The following CCDC91 variants were observed in gnomAD, a reference collection of about 807,000 sequenced individuals.
CCDC91 encodes the protein coiled-coil domain-containing protein 91.
Under a neutral mutation model 63.2 loss-of-function variants are expected in CCDC91, and 48 were observed. The observed-to-expected ratio is 0.76, with a 90% CI of 0.60 to 0.97. The LOEUF is 0.97. Ranked by LOEUF, CCDC91 falls within the 50% of genes least tolerant of loss-of-function variation. The pLI, the probability that CCDC91 is intolerant of heterozygous loss-of-function variation, is 0.00. For missense variants in CCDC91, 500 were observed against 494.6 expected (o/e 1.01, Z -0.10); for synonymous variants, 167 against 165.8 (o/e 1.01, Z -0.06).
At chr12:28,456,156 T>C (rs770306877) in intron 11 of CCDC91, among the ~76,000 whole-genome samples, 5 of 152,162 alleles carry the variant, frequency 3.3e-5, no homozygotes, top group Admixed American at 6.6e-5. Context: ...GTATTGTCCA[T>C]TCTGTAACAT....
rs151227373 is a variant in CCDC91, at chr12:28,234,512, A to G, written c.-14-22690A>G. On this transcript the variant is annotated intron_variant, in intron 1 of 12. Coordinates refer to ENST00000536442, the MANE Select transcript of CCDC91 (RefSeq NM_018318.5). ...ATTTTTAAAGATATTTAGTGAAATT[A>G]TACATTAATAGACATAACCCAGATA... is the stretch of plus-strand genomic sequence containing the variant. Among the ~76,000 whole-genome samples the G allele has an allele frequency of 5.5e-3, 845 of 152,340 alleles. 6 individuals carry two copies. The highest frequency in any genetic ancestry group is 0.011 in the South Asian group (53 of 4,828).
intron 6 of CCDC91, among the ~76,000 whole-genome samples, chr12:28,350,793 A>G (rs1401581304): frequency 5.3e-5 from 8 of 152,082 alleles, no homozygotes; most frequent in African/African-American, 1.7e-4. Flanking sequence ...ACTGACTCCA[A>G]TTTCTGCTTC....
chr12:28,533,518 A>G (rs1002119719), intron 12 of CCDC91, among the ~76,000 whole-genome samples: 5 of 152,096 alleles, frequency 3.3e-5, no homozygotes, highest in African/African-American at 4.8e-5. Flanking sequence ...CCAATAAACC[A>G]CACTTAAATT....
intron 6 of CCDC91, among the ~76,000 whole-genome samples, chr12:28,343,133 T>C (rs1381412191): frequency 2.0e-5 from 3 of 151,672 alleles, no homozygotes; most frequent in South Asian, 4.2e-4. Flanking sequence ...AAAAGAAATA[T>C]GTTGAGAGAG....
intron 7 of CCDC91, among the ~76,000 whole-genome samples, chr12:28,378,017 CTTATAT>C (rs1312624064): frequency 6.6e-6 from 1 of 151,926 alleles, no homozygotes; most frequent in African/African-American, 2.4e-5. Context: ...TTCTCTTCCT[CTTATAT>C]TTAAATATTA....
chr12:28,534,173 T>G (rs2141670106), intron 12 of CCDC91, among the ~76,000 whole-genome samples: 1 of 152,298 alleles, frequency 6.6e-6, no homozygotes, highest in Non-Finnish European at 1.5e-5. Context: ...ATTTCAGACA[T>G]AGAACTTTTT....
chr12:28,321,488 T>C (rs116500055), intron 6 of CCDC91, among the ~76,000 whole-genome samples: 2,336 of 151,982 alleles, frequency 0.015, 60 homozygotes, highest in African/African-American at 0.053. Flanking sequence ...AATTCGTACA[T>C]TGATGCTCTC....
intron 3 of CCDC91, among the ~76,000 whole-genome samples, chr12:28,265,657 A>G (rs1391334570): frequency 2.0e-5 from 3 of 152,032 alleles, no homozygotes; most frequent in Admixed American, 6.6e-5. Context: ...TCTGTGTTAC[A>G]TATCTATGAG....
chr12:28,408,258 G>A (rs1565926482), intron 8 of CCDC91, among the ~76,000 whole-genome samples: 1 of 152,078 alleles, frequency 6.6e-6, no homozygotes, highest in African/African-American at 2.4e-5. Context: ...TCCTGTGTTA[G>A]TTTGCTGAGA....
intron 1 of CCDC91, among the ~76,000 whole-genome samples, chr12:28,238,407 C>G (rs1037109518): frequency 5.3e-5 from 8 of 152,018 alleles, no homozygotes; most frequent in African/African-American, 1.9e-4. Context: ...GAGAAAAGAA[C>G]CAGCAATAAC....
At chr12:28,338,210 T>C (rs1942136192) in intron 6 of CCDC91, among the ~76,000 whole-genome samples, 2 of 151,716 alleles carry the variant, frequency 1.3e-5, no homozygotes, top group African/African-American at 2.4e-5. Context: ...GGCAAGATTA[T>C]ATTTGAGTAG....
chr12:28,535,619 T>C (rs12184491), intron 12 of CCDC91, among the ~76,000 whole-genome samples: 28,745 of 152,214 alleles, frequency 0.19, 3,559 homozygotes, highest in Non-Finnish European at 0.28. Flanking sequence ...CCCTTATTAA[T>C]ATTACTCCCT....
At chr12:28,242,749 G>T (rs1945430037) in intron 1 of CCDC91, among the ~76,000 whole-genome samples, 1 of 152,170 alleles carries the variant, frequency 6.6e-6, no homozygotes, top group Non-Finnish European at 1.5e-5. Context: ...CCCCAGTGCT[G>T]GAGGTAGGGC....
intron 8 of CCDC91, among the ~76,000 whole-genome samples, chr12:28,404,570 A>G (rs1004815806): frequency 6.6e-5 from 10 of 151,990 alleles, no homozygotes; most frequent in African/African-American, 1.2e-4. Context: ...TGCTAGATCT[A>G]TTTCTGAGAA....
intron 7 of CCDC91, among the ~76,000 whole-genome samples, chr12:28,382,449 T>G (rs1243925449): frequency 1.3e-5 from 2 of 151,978 alleles, no homozygotes; most frequent in Non-Finnish European, 2.9e-5. Context: ...GAATACAGGA[T>G]TTCACCATTA....
chr12:28,323,689 A>G (rs1361930198), intron 6 of CCDC91, among the ~76,000 whole-genome samples: 1 of 151,980 alleles, frequency 6.6e-6, no homozygotes, highest in Non-Finnish European at 1.5e-5. Flanking sequence ...GTATAGATGC[A>G]AAATTGACAT....
At chr12:28,336,976 C>A (rs1942032302) in intron 6 of CCDC91, among the ~76,000 whole-genome samples, 1 of 151,808 alleles carries the variant, frequency 6.6e-6, no homozygotes, top group Non-Finnish European at 1.5e-5. Flanking sequence ...ATTCAAATTC[C>A]TTCTATAATA....
At chr12:28,462,746 A>T (rs576654967) in intron 11 of CCDC91, among the ~76,000 whole-genome samples, 1 of 152,270 alleles carries the variant, frequency 6.6e-6, no homozygotes, top group South Asian at 2.1e-4. Flanking sequence ...AGTTGGTAAG[A>T]TAGACAAGTA....
intron 8 of CCDC91, among the ~76,000 whole-genome samples, chr12:28,392,411 C>G (rs1184037226): frequency 6.6e-6 from 1 of 152,154 alleles, no homozygotes; most frequent in Non-Finnish European, 1.5e-5. Context: ...TGTCCTCACC[C>G]TGGGAACTCT....
Sources: allele counts gnomAD v4.1 joint callset (sites outside exome capture counted in the v4.1 genomes callset), GRCh38; gene constraint gnomAD v4.1.1; transcripts MANE v1.5; gene names NCBI Gene and HGNC (gene_info 2026-07-23, HGNC 2026-07-21).